Variants in EXOC4 observed in about 807,000 individuals in gnomAD.
EXOC4 encodes the protein exocyst complex component 4.
A neutral mutation model predicts 107.2 loss-of-function variants in EXOC4; 71 were observed. That is an observed-to-expected ratio of 0.66 (90% CI 0.55 to 0.81). The LOEUF (loss-of-function observed/expected upper bound fraction) is 0.81, where lower values mean the gene tolerates loss of function less well. Ranked by LOEUF, EXOC4 falls within the 30% of genes least tolerant of loss-of-function variation. The probability of loss-of-function intolerance (pLI) is 0.00; values close to 1 mark genes in which losing one functional copy is unlikely to be tolerated. For synonymous variants in EXOC4, 456 were observed against 441.2 expected (o/e 1.03, Z -0.42); for missense variants, 1,108 against 1,189.6 (o/e 0.93, Z 1.01).
chr7:133,724,824 G>A (rs1795182438), intron 10 of EXOC4, among the ~76,000 whole-genome samples: 2 of 152,214 alleles, frequency 1.3e-5, no homozygotes, highest in Admixed American at 1.3e-4. Flanking sequence ...AAAGAAGCAT[G>A]TGCTTGGCAT....
intron 5 of EXOC4, among the ~76,000 whole-genome samples, chr7:133,339,562 T>G (rs1795610824): frequency 6.6e-6 from 1 of 152,202 alleles, no homozygotes; most frequent in African/African-American, 2.4e-5. Context: ...GGTGGTATTT[T>G]GATGGGAATT....
At chr7:133,583,440 G>T (rs1428614052) in intron 9 of EXOC4, among the ~76,000 whole-genome samples, 2 of 152,170 alleles carry the variant, frequency 1.3e-5, no homozygotes, top group African/African-American at 4.8e-5. Flanking sequence ...CTGAAATGCT[G>T]TTCAGGATGC....
intron 10 of EXOC4, among the ~76,000 whole-genome samples, chr7:133,681,686 G>C (rs1029742259): frequency 6.6e-6 from 1 of 151,596 alleles, no homozygotes; most frequent in Non-Finnish European, 1.5e-5. Context: ...TTCAGATTTG[G>C]GTGGGCACAC....
intron 6 of EXOC4, among the ~76,000 whole-genome samples, chr7:133,363,570 A>G (rs1452895578): frequency 6.6e-6 from 1 of 150,470 alleles, no homozygotes; most frequent in African/African-American, 2.4e-5. Flanking sequence ...GTTACTCAAT[A>G]TTACATTTCT....
intron 7 of EXOC4, among the ~76,000 whole-genome samples, chr7:133,418,711 T>C (rs780132451): frequency 1.3e-5 from 2 of 152,212 alleles, no homozygotes; most frequent in Non-Finnish European, 2.9e-5. Flanking sequence ...TGCATCACTC[T>C]GTGTACTCAC....
chr7:133,681,002 G>A (rs1407569161), intron 10 of EXOC4, among the ~76,000 whole-genome samples: 1 of 152,120 alleles, frequency 6.6e-6, no homozygotes, highest in Non-Finnish European at 1.5e-5. Flanking sequence ...CAGGGAACCT[G>A]GTCAGTACTG....
At chr7:133,549,166 T>C (rs1187813012) in intron 9 of EXOC4, among the ~76,000 whole-genome samples, 1 of 151,808 alleles carries the variant, frequency 6.6e-6, no homozygotes, top group Non-Finnish European at 1.5e-5. Context: ...ACCAGTTTGG[T>C]TTTTTTTAGT....
chr7:133,384,844 G>C (rs138173883), intron 7 of EXOC4, among the ~76,000 whole-genome samples: 5 of 148,278 alleles, frequency 3.4e-5, no homozygotes, highest in Non-Finnish European at 7.4e-5. Flanking sequence ...AAATTCTTCA[G>C]AAACTTGGTG....
rs191874230 is a variant in EXOC4, at chr7:133,607,472, G to A, written c.1418-22573G>A. On this transcript the variant is annotated intron_variant, in intron 9 of 17. Coordinates refer to ENST00000253861, the MANE Select transcript of EXOC4 (RefSeq NM_021807.4). ...TAGTATTGGAAATAAAAATAGATTC[G>A]GCAGCATCAAAAGGACATTGTACCT... is the stretch of plus-strand genomic sequence containing the variant. Among the ~76,000 whole-genome samples, 6 of 152,216 alleles carry A rather than the reference G, an allele frequency of 3.9e-5. No homozygotes were observed. In the East Asian group the frequency reaches 9.6e-4, roughly 24 times the overall value.
chr7:133,743,020 C>A (rs1175175515), intron 10 of EXOC4, among the ~76,000 whole-genome samples: 1 of 152,098 alleles, frequency 6.6e-6, no homozygotes, highest in Admixed American at 6.6e-5. Context: ...GGCTCTTAAA[C>A]CAAAGTCTGT....
intron 10 of EXOC4, among the ~76,000 whole-genome samples, chr7:133,747,661 T>C (rs1167781035): frequency 6.6e-6 from 1 of 152,160 alleles, no homozygotes; most frequent in East Asian, 1.9e-4. Context: ...GATGGTGATG[T>C]ACCTTTCTGA....
chr7:133,278,479 T>G (rs1794050568), intron 2 of EXOC4, among the ~76,000 whole-genome samples: 2 of 152,134 alleles, frequency 1.3e-5, no homozygotes, highest in Non-Finnish European at 1.5e-5. Flanking sequence ...AGGGCTTCAC[T>G]GAGGGCCCAT....
chr7:133,904,097 A>G (rs572628257), intron 12 of EXOC4, among the ~76,000 whole-genome samples: 2 of 151,992 alleles, frequency 1.3e-5, no homozygotes, highest in East Asian at 1.9e-4. Flanking sequence ...TTTTGCAGCA[A>G]AGGCGAACAG....
At chr7:133,665,361 G>A (rs1339261829) in intron 10 of EXOC4, among the ~76,000 whole-genome samples, 4 of 152,114 alleles carry the variant, frequency 2.6e-5, no homozygotes, top group African/African-American at 9.7e-5. Context: ...ATAAATTGCT[G>A]TAAACATTTA....
chr7:133,278,554 C>T (rs930908335), intron 2 of EXOC4, among the ~76,000 whole-genome samples: 6 of 152,056 alleles, frequency 3.9e-5, no homozygotes, highest in African/African-American at 1.4e-4. Context: ...AGAAAGGAAG[C>T]AGGTGCCCAG....
chr7:133,612,014 T>A (rs1444617280), intron 9 of EXOC4, among the ~76,000 whole-genome samples: 3 of 152,154 alleles, frequency 2.0e-5, no homozygotes, highest in African/African-American at 4.8e-5. Flanking sequence ...CAGCAAGCTG[T>A]TTAATAACAA....
intron 9 of EXOC4, among the ~76,000 whole-genome samples, chr7:133,541,769 T>G (rs1396496877): frequency 6.6e-6 from 1 of 152,170 alleles, no homozygotes; most frequent in Non-Finnish European, 1.5e-5. Context: ...AGGAAAATTC[T>G]TAGTGGATGT....
intron 14 of EXOC4, among the ~76,000 whole-genome samples, chr7:133,949,057 A>G (rs1398312556): frequency 1.3e-5 from 2 of 152,138 alleles, no homozygotes; most frequent in African/African-American, 2.4e-5. Context: ...TAAAAGGAGG[A>G]GTGGAGAAAA....
intron 5 of EXOC4, among the ~76,000 whole-genome samples, chr7:133,317,670 TTTTC>T (rs544788906): frequency 1.7e-4 from 26 of 152,166 alleles, no homozygotes; most frequent in East Asian, 9.7e-4. Flanking sequence ...CCAGCACTGT[TTTTC>T]TTTCTTTCTT....
Sources: allele counts gnomAD v4.1 joint callset (sites outside exome capture counted in the v4.1 genomes callset), GRCh38; gene constraint gnomAD v4.1.1; transcripts MANE v1.5; gene names NCBI Gene and HGNC (gene_info 2026-07-23, HGNC 2026-07-21).